TMF1: variants seen among roughly 807,000 people sequenced by gnomAD.
TMF1 encodes the protein TATA element modulatory factor 1, also known as TATA element modulatory factor.
In TMF1, 71 loss-of-function variants were observed where a neutral mutation model predicts 126.5. The ratio of observed to expected loss-of-function variants is 0.56; its 90% CI spans 0.46 to 0.68. The LOEUF (loss-of-function observed/expected upper bound fraction) is 0.68, where lower values mean the gene tolerates loss of function less well. Among genes scored for constraint, TMF1 ranks in the 30% least tolerant of loss-of-function variants. The pLI is 0.00. For missense variants in TMF1, 1,259 were observed against 1,253.2 expected (o/e 1.00, Z -0.07); for synonymous variants, 461 against 430.5 (o/e 1.07, Z -0.88).
intron 10 of TMF1, 25 bp from the exon 11 acceptor site, chr3:69,030,032 T>C: frequency 6.3e-7 from 1 of 1,583,308 alleles, no homozygotes; most frequent in South Asian, 1.2e-5. Context: ...GAAAAAAAAA[T>C]CACATACACA....
At chr3:69,051,590 T>C (rs2091929729) in intron 1 of TMF1, among the ~76,000 whole-genome samples, 1 of 152,124 alleles carries the variant, frequency 6.6e-6, no homozygotes, top group African/African-American at 2.4e-5. Flanking sequence ...ATCCCAACAG[T>C]GCCCGAGACG....
At chr3:69,026,119 T>C in intron 13 of TMF1, 22 bp from the exon 14 acceptor site, 1 of 1,534,432 alleles carries the variant, frequency 6.5e-7, no homozygotes. Context: ...AAAAAAATTC[T>C]GTTCATATTA....
intron 1 of TMF1, among the ~76,000 whole-genome samples, chr3:69,050,522 G>T (rs1286248382): frequency 6.6e-6 from 1 of 152,080 alleles, no homozygotes; most frequent in Non-Finnish European, 1.5e-5. Flanking sequence ...TAATCCCAGG[G>T]TTATTTGGTA....
rs1263247574 is a variant in TMF1, at chr3:69,048,077, T to C, written c.628A>G (p.Ile210Val). 3 of 1,614,220 alleles carry C rather than the reference T, an allele frequency of 1.9e-6. No homozygotes were observed. In the Admixed American group the frequency reaches 5.0e-5, roughly 27 times the overall value. Residue 210 changes from isoleucine (I) to valine (V), a missense_variant, in exon 2 of 17, where the codon ATA becomes GTA. Coordinates refer to ENST00000398559, the MANE Select transcript of TMF1 (RefSeq NM_007114.3). ...AGAGACTGCGTAGACGTATTAGATATACTTTCCATAGTTGTTTTCACATCA... is the reference window on the plus strand; with the variant it reads ...AGAGACTGCGTAGACGTATTAGATACACTTTCCATAGTTGTTTTCACATCA... The part of the protein sequence containing the change: ...VIDVKTTMES[I>V]SNTSTQSLTA...
At position 69,039,634 on chromosome 3, in the gene TMF1, T is replaced by C. The variant is rs777731676; in HGVS notation, c.1744A>G (p.Lys582Glu). 1.2e-6 allele frequency: 2 copies of C among 1,613,852 alleles called. No homozygotes were observed. Among genetic ancestry groups the C allele is most frequent in the South Asian group, 2.2e-5 (2 of 91,012 alleles). Reference protein sequence around the residue: ...NSNIIKKLRAKDKENENMVAK... With the variant: ...NSNIIKKLRAEDKENENMVAK... Reference sequence around the variant, plus strand: ...ACCATATTTTCATTCTCCTTGTCTTTAGCTCTTAATTTCTTGATGATGTTA... The same window carrying C: ...ACCATATTTTCATTCTCCTTGTCTTCAGCTCTTAATTTCTTGATGATGTTA... The change falls in exon 6 of 17, where the codon AAA becomes GAA. Residue 582 changes from lysine (K) to glutamate (E), a missense_variant. By Grantham distance (56) the Lys-to-Glu change is moderately conservative (BLOSUM62 1). Coordinates refer to ENST00000398559, the MANE Select transcript of TMF1 (RefSeq NM_007114.3).
Position 69,052,139 on chromosome 3 carries a change from G to T in TMF1, c.-53C>A. The T allele has an allele frequency of 1.3e-6, 2 of 1,570,572 alleles. No individual in the cohort carries two copies. Among genetic ancestry groups the T allele is most frequent in the East Asian group, 2.3e-5 (1 of 44,038 alleles). ...GGCAGCACCAAGCGGGAAGGCCTCA[G>T]GCCTGGGGAAGGGTGCAGAGGAACG... On this transcript the variant is annotated 5_prime_UTR_variant, in exon 1 of 17. The change creates a new upstream start codon in the 5' untranslated region. Transcript: ENST00000398559.
chr3:69,022,558 T>C lies in TMF1; in HGVS notation c.*619A>G, dbSNP rs2091744967. The C allele has an allele frequency of 6.6e-6, 1 of 152,522 alleles. No individual in the cohort carries two copies. Among genetic ancestry groups the C allele is most frequent in the African/African-American group, 2.4e-5 (1 of 41,436 alleles). The allele number at this position is 152,522 out of a possible 1,614,324, so 9.4% of individuals were successfully genotyped here. On this transcript the variant is annotated 3_prime_UTR_variant, in exon 17 of 17. Coordinates refer to ENST00000398559, the MANE Select transcript of TMF1 (RefSeq NM_007114.3). ...AATTGTGAAAGCTGGGTGAAATAAA[T>C]TTTCAGATCAAAATTTTTTTTAAGT...
intron 4 of TMF1, among the ~76,000 whole-genome samples, chr3:69,043,166 T>A (rs911167480): frequency 2.0e-5 from 3 of 152,120 alleles, no homozygotes; most frequent in African/African-American, 7.2e-5. Flanking sequence ...TTAACTTTCC[T>A]TTTCATTTTT....
rs2091778753 is a variant in TMF1 at position 69,027,895 on chromosome 3, A to G, written c.2757+5T>C. ...CCACAAACAAACAAAAACAAAATTC[A>G]ATACCTTTTCTTTTATTGTTTCTTG... On this transcript the variant is annotated splice_donor_5th_base_variant and intron_variant, in intron 13 of 16. Transcript: ENST00000398559. 1 of 1,486,646 alleles carries G rather than the reference A, an allele frequency of 6.7e-7. No individual in the cohort carries two copies. The highest frequency in any genetic ancestry group is 9.3e-7 in the Non-Finnish European group (1 of 1,073,216). The allele number at this position is 1,486,646 out of a possible 1,614,324, so 92.1% of individuals were successfully genotyped here.
At chr3:69,032,852 C>T (rs1055452627) in intron 10 of TMF1, among the ~76,000 whole-genome samples, 1 of 152,028 alleles carries the variant, frequency 6.6e-6, no homozygotes, top group African/African-American at 2.4e-5. Flanking sequence ...GTCAAGTGAT[C>T]CACCCGCCTA....
At chr3:69,035,887 T>C (rs1026202273) in intron 8 of TMF1, among the ~76,000 whole-genome samples, 1 of 152,074 alleles carries the variant, frequency 6.6e-6, no homozygotes, top group Non-Finnish European at 1.5e-5. Context: ...CTGACAGTAC[T>C]TGGAAAAAGT....
rs17005231 is a variant in TMF1 at position 69,030,105 on chromosome 3, C to T, written c.2402-98G>A. 8.5e-3 allele frequency: 9,017 copies of T among 1,059,924 alleles called. 75 individuals are homozygous for T. Among genetic ancestry groups the T allele is most frequent in the Middle Eastern group, 0.049 (234 of 4,794 alleles). The allele number at this position is 1,059,924 out of a possible 1,614,324, so 65.7% of individuals were successfully genotyped here. Reference sequence around the variant, plus strand: ...TTCAAACATTTAATGATGCAAGTAGCCACACTTAAAACTGATAACTATTTA... The same window carrying T: ...TTCAAACATTTAATGATGCAAGTAGTCACACTTAAAACTGATAACTATTTA... On this transcript the variant is annotated intron_variant, in intron 10 of 16. Coordinates refer to ENST00000398559, the MANE Select transcript of TMF1 (RefSeq NM_007114.3).
At chr3:69,037,276 C>G (rs896653339) in intron 8 of TMF1, among the ~76,000 whole-genome samples, 11 of 152,126 alleles carry the variant, frequency 7.2e-5, no homozygotes, top group South Asian at 4.1e-4. Flanking sequence ...AGGCGGATCA[C>G]GAGGTCAGGA....
chr3:69,024,015 TA>T, intron 16 of TMF1, 39 bp downstream of exon 16: 1 of 1,541,954 alleles, frequency 6.5e-7, no homozygotes, highest in Non-Finnish European at 8.7e-7. Context: ...GTAAATGAAC[TA>T]AAATATCTTA....
chr3:69,037,492 A>C (rs1321426212), intron 8 of TMF1, among the ~76,000 whole-genome samples: 1 of 151,824 alleles, frequency 6.6e-6, no homozygotes, highest in Non-Finnish European at 1.5e-5. Flanking sequence ...AAAAACAAAA[A>C]TTAGCCGGGC....
At position 69,021,813 on chromosome 3, in the gene TMF1, T is replaced by C. The variant is rs1464281249; in HGVS notation, c.*1364A>G. 1 of 152,070 alleles carries C rather than the reference T, an allele frequency of 6.6e-6. No individual in the cohort carries two copies. Among genetic ancestry groups the C allele is most frequent in the Non-Finnish European group, 1.5e-5 (1 of 68,070 alleles). 9.4% of individuals were successfully genotyped at this position (152,070 alleles called of 1,614,324 possible). Reference sequence around the variant, plus strand: ...CTCCTGCCTCAGCCTCCCGAGTAGCTAGGATTACAGGCGCACACCACCACG... The same window carrying C: ...CTCCTGCCTCAGCCTCCCGAGTAGCCAGGATTACAGGCGCACACCACCACG... On this transcript the variant is annotated 3_prime_UTR_variant, in exon 17 of 17. Coordinates refer to ENST00000398559, the MANE Select transcript of TMF1 (RefSeq NM_007114.3).
chr3:69,036,196 T>G (rs558039220), intron 8 of TMF1, among the ~76,000 whole-genome samples: 1 of 152,240 alleles, frequency 6.6e-6, no homozygotes, highest in East Asian at 1.9e-4. Context: ...CAGGATATTT[T>G]ACTAAGTAAA....
At chr3:69,030,168 C>T in intron 10 of TMF1, 161 bp from the exon 11 acceptor site, 1 of 531,916 alleles carries the variant, frequency 1.9e-6, no homozygotes, top group East Asian at 3.1e-5. Flanking sequence ...ACAAATGAAC[C>T]AATCTTAACT....
intron 5 of TMF1, among the ~76,000 whole-genome samples, chr3:69,041,069 T>G (rs921646012): frequency 7.2e-5 from 11 of 152,102 alleles, no homozygotes; most frequent in African/African-American, 2.7e-4. Context: ...AAAGAAGACA[T>G]CAGTTCATTC....
Sources: allele counts gnomAD v4.1 joint callset (sites outside exome capture counted in the v4.1 genomes callset), GRCh38; gene constraint gnomAD v4.1.1; transcripts MANE v1.5; gene names NCBI Gene and HGNC (gene_info 2026-07-23, HGNC 2026-07-21).